PRIM2: variants seen among roughly 807,000 people sequenced by gnomAD.
The protein encoded by PRIM2 is DNA primase subunit 2, also known as DNA primase large subunit.
In PRIM2, 39 loss-of-function variants were observed where a neutral mutation model predicts 67.3. That is an observed-to-expected ratio of 0.58 (90% CI 0.45 to 0.76). The LOEUF (loss-of-function observed/expected upper bound fraction) is 0.76. Among genes scored for constraint, PRIM2 ranks in the 30% least tolerant of loss-of-function variants. PRIM2 has a pLI of 0.00. For synonymous variants in PRIM2, 143 were observed against 198.7 expected (o/e 0.72, Z 2.36); for missense variants, 398 against 598.7 (o/e 0.66, Z 3.50).
chr6:57,416,653 C>T (rs546007813), intron 7 of PRIM2, among the ~76,000 whole-genome samples: 46 of 152,282 alleles, frequency 3.0e-4, no homozygotes, highest in African/African-American at 1.1e-3. Context: ...GTGTAGCCAC[C>T]TAAACAACAG....
At chr6:57,400,547 G>T (rs1770673064) in intron 7 of PRIM2, among the ~76,000 whole-genome samples, 3 of 151,956 alleles carry the variant, frequency 2.0e-5, no homozygotes, top group Non-Finnish European at 4.4e-5. Flanking sequence ...CTTCCATTTT[G>T]ACCTTTGAAA....
intron 13 of PRIM2, among the ~76,000 whole-genome samples, chr6:57,639,131 AAC>A (rs1777179788): frequency 6.6e-6 from 1 of 152,222 alleles, no homozygotes; most frequent in Non-Finnish European, 1.5e-5. Context: ...ATGGAAACTG[AAC>A]AGTCTGCTCC....
At chr6:57,454,985 G>T (rs1181469555) in intron 7 of PRIM2, among the ~76,000 whole-genome samples, 1 of 152,010 alleles carries the variant, frequency 6.6e-6, no homozygotes, top group Non-Finnish European at 1.5e-5. Context: ...GGTATGTTGT[G>T]TCTTTGTTCT....
chr6:57,237,625 T>C, the PRIM2 span, among the ~76,000 whole-genome samples: 3 of 152,196 alleles, frequency 2.0e-5, no homozygotes, highest in Non-Finnish European at 4.4e-5. Flanking sequence ...GTTTCAGCTT[T>C]CTACATATGG....
intron 5 of PRIM2, among the ~76,000 whole-genome samples, chr6:57,326,531 ACCAAC>A (rs1767863795): frequency 6.6e-6 from 1 of 152,024 alleles, no homozygotes; most frequent in Non-Finnish European, 1.5e-5. Flanking sequence ...GACCATCTTG[ACCAAC>A]ATAGTGAAAC....
At chr6:57,267,454 A>G in the PRIM2 span, among the ~76,000 whole-genome samples, 1 of 152,088 alleles carries the variant, frequency 6.6e-6, no homozygotes, top group East Asian at 1.9e-4. Context: ...TCTCTTTGAG[A>G]GGCTGCATAA....
the PRIM2 span, among the ~76,000 whole-genome samples, chr6:57,240,207 T>C: frequency 3.8e-4 from 57 of 149,934 alleles, no homozygotes; most frequent in African/African-American, 1.3e-3. Context: ...GTTCAAGCGA[T>C]TCTCCTGCCT....
intron 7 of PRIM2, among the ~76,000 whole-genome samples, chr6:57,454,984 T>C (rs1244791666): frequency 1.3e-5 from 2 of 152,212 alleles, no homozygotes; most frequent in Admixed American, 1.3e-4. Context: ...TGGTATGTTG[T>C]GTCTTTGTTC....
At chr6:57,379,748 G>A (rs1005748810) in intron 5 of PRIM2, 153 bp from the exon 6 acceptor site, 18 of 329,342 alleles carry the variant, frequency 5.5e-5, no homozygotes, top group Non-Finnish European at 7.4e-5. Context: ...ACTAATGATA[G>A]TGATTCAGAT....
chr6:57,495,750 G>C lies in PRIM2; in HGVS notation c.694-11637G>C, dbSNP rs1562776364. Among the ~76,000 whole-genome samples the C allele has an allele frequency of 2.0e-5, 3 of 152,010 alleles. No homozygotes were observed. The South Asian group carries it at 6.2e-4, about 32-fold the overall frequency. ...CCCCATAACCTTGATGTTTCGTTTT[G>C]TTTTTGTTTTTGAGACAGGGTCTTG... On this transcript the variant is annotated intron_variant, in intron 7 of 13. Transcript: ENST00000615550.
chr6:57,415,053 TGTAA>T (rs1424825280), intron 7 of PRIM2, among the ~76,000 whole-genome samples: 1 of 152,140 alleles, frequency 6.6e-6, no homozygotes, highest in Non-Finnish European at 1.5e-5. Context: ...GGATTTTTGA[TGTAA>T]GTGACTTATA....
At chr6:57,448,784 G>A (rs1177739836) in intron 7 of PRIM2, among the ~76,000 whole-genome samples, 1 of 152,096 alleles carries the variant, frequency 6.6e-6, no homozygotes, top group Non-Finnish European at 1.5e-5. Flanking sequence ...GACTTATAGG[G>A]GTGCATAACT....
chr6:57,348,697 T>G (rs556067725), intron 5 of PRIM2, among the ~76,000 whole-genome samples: 1 of 151,642 alleles, frequency 6.6e-6, no homozygotes, highest in African/African-American at 2.4e-5. Flanking sequence ...GCATTTACAG[T>G]GCACTGAGTA....
At chr6:57,339,437 A>C (rs1041559593) in intron 5 of PRIM2, among the ~76,000 whole-genome samples, 13 of 152,078 alleles carry the variant, frequency 8.5e-5, no homozygotes, top group African/African-American at 2.9e-4. Flanking sequence ...GAGGCAGCAC[A>C]CTACCTGACT....
At chr6:57,335,307 G>A (rs943228484) in intron 5 of PRIM2, among the ~76,000 whole-genome samples, 1 of 152,288 alleles carries the variant, frequency 6.6e-6, no homozygotes, top group African/African-American at 2.4e-5. Flanking sequence ...CATTGCCCAG[G>A]CTTGCTTAGG....
At position 57,604,685 on chromosome 6, in the gene PRIM2, A is replaced by ATT. The variant is rs1167624948; in HGVS notation, c.1148-1675_1148-1674dup. ...GGTTTTTGTCATGAAGGAATATTGG[A>ATT]TTTTTTTTTTTTTTTTAAATTTTGA... On this transcript the variant is annotated intron_variant, in intron 11 of 13. Transcript: ENST00000615550. 1.5e-3 allele frequency among the ~76,000 whole-genome samples: 206 copies of ATT among 135,126 alleles called. 5 individuals carry two copies. The East Asian group carries it at 0.02, about 13-fold the overall frequency. 88.6% of individuals were successfully genotyped at this position (135,126 alleles called of 152,430 possible). A position where few individuals can be genotyped will look rare whatever the true frequency, so the allele number is the denominator to read the frequency against.
chr6:57,480,924 C>G (rs1773609280), intron 7 of PRIM2, among the ~76,000 whole-genome samples: 1 of 152,152 alleles, frequency 6.6e-6, no homozygotes, highest in South Asian at 2.1e-4. Flanking sequence ...TCGCACCCGG[C>G]CCATTTCTTT....
intron 7 of PRIM2, among the ~76,000 whole-genome samples, chr6:57,411,409 G>A (rs1265281219): frequency 6.6e-6 from 1 of 151,744 alleles, no homozygotes; most frequent in African/African-American, 2.4e-5. Context: ...TGGGCAACAT[G>A]GTGAAACCTT....
intron 8 of PRIM2, among the ~76,000 whole-genome samples, chr6:57,519,988 A>C (rs1388163627): frequency 6.6e-6 from 1 of 152,314 alleles, no homozygotes; most frequent in Non-Finnish European, 1.5e-5. Context: ...ATTCAAAAAC[A>C]AAACCAGGAA....
Sources: allele counts gnomAD v4.1 joint callset (sites outside exome capture counted in the v4.1 genomes callset), GRCh38; gene constraint gnomAD v4.1.1; transcripts MANE v1.5; gene names NCBI Gene and HGNC (gene_info 2026-07-23, HGNC 2026-07-21).